Variants in CLHC1 observed in about 807,000 individuals in gnomAD.
The protein encoded by CLHC1 is clathrin heavy chain linker domain containing 1.
A neutral mutation model predicts 69.5 loss-of-function variants in CLHC1; 72 were observed. The observed-to-expected ratio is 1.04, with a 90% CI of 0.86 to 1.26. The LOEUF (loss-of-function observed/expected upper bound fraction) is 1.26. Ranked by LOEUF, CLHC1 falls within the 50% of genes most tolerant of loss-of-function variation. CLHC1 has a pLI of 0.00. For missense variants in CLHC1, 790 were observed against 679.3 expected, an observed-to-expected ratio of 1.16 and a Z score of -1.81; for synonymous variants, 223 against 224.3, an observed-to-expected ratio of 0.99 and a Z score of 0.05.
chr2:55,174,094 T>C lies in CLHC1; in HGVS notation c.*1696A>G, dbSNP rs1395639718. Among the ~76,000 whole-genome samples, 1 of 152,154 alleles carries C rather than the reference T, an allele frequency of 6.6e-6. No individual in the cohort carries two copies. The highest frequency in any genetic ancestry group is 1.5e-5 in the Non-Finnish European group (1 of 68,030). On this transcript the variant is annotated 3_prime_UTR_variant, in exon 13 of 13. Transcript: ENST00000401408. The stretch of plus-strand genomic sequence containing the variant: ...AAATACCTCTCCCTTTCCATTCCTT[T>C]TTTCCATCCTTTATCTGCTCTTTTC...
intron 7 of CLHC1, 42 bp downstream of exon 7, chr2:55,209,362 T>G: frequency 8.0e-7 from 1 of 1,255,114 alleles, no homozygotes; most frequent in Non-Finnish European, 1.1e-6. Flanking sequence ...GAAAAAAATG[T>G]CTTCCATTAT....
chr2:55,220,956 T>C (rs568352106), intron 3 of CLHC1, among the ~76,000 whole-genome samples: 1 of 152,312 alleles, frequency 6.6e-6, no homozygotes, highest in East Asian at 1.9e-4. Flanking sequence ...CTGTATGATA[T>C]AAAAAGAAGG....
chr2:55,207,340 A>G (rs1361270018), intron 8 of CLHC1, among the ~76,000 whole-genome samples: 1 of 152,220 alleles, frequency 6.6e-6, no homozygotes, highest in African/African-American at 2.4e-5. Context: ...GAAGTTACAC[A>G]GTGTTGCAAA....
chr2:55,227,624 G>A (rs1013648676), intron 2 of CLHC1, among the ~76,000 whole-genome samples: 6 of 148,554 alleles, frequency 4.0e-5, no homozygotes, highest in Non-Finnish European at 8.9e-5. Context: ...GTTGCAGTGA[G>A]CCGAGATTGA....
At chr2:55,229,100 A>G (rs1158521760) in intron 1 of CLHC1, among the ~76,000 whole-genome samples, 1 of 149,870 alleles carries the variant, frequency 6.7e-6, no homozygotes, top group African/African-American at 2.5e-5. Context: ...GCAGTGGGCT[A>G]AGATCATACC....
At chr2:55,209,868 A>C in intron 5 of CLHC1, 37 bp from the exon 6 acceptor site, 1 of 1,371,578 alleles carries the variant, frequency 7.3e-7, no homozygotes, top group Non-Finnish European at 1.0e-6. Context: ...ACGACAAGCC[A>C]TGTGTGGGAC....
intron 2 of CLHC1, chr2:55,223,921 G>C (rs1433092912): frequency 2.6e-5 from 4 of 152,392 alleles, no homozygotes; most frequent in Admixed American, 6.6e-5. Context: ...TCAGCCTCTT[G>C]AGTAGCTGGG....
intron 9 of CLHC1, among the ~76,000 whole-genome samples, chr2:55,199,026 G>C (rs1215243106): frequency 6.6e-6 from 1 of 152,124 alleles, no homozygotes; most frequent in African/African-American, 2.4e-5. Flanking sequence ...GCCAGGTGCA[G>C]TGGCTCATGC....
intron 9 of CLHC1, among the ~76,000 whole-genome samples, chr2:55,199,205 G>A (rs1671704982): frequency 6.6e-6 from 1 of 150,686 alleles, no homozygotes; most frequent in African/African-American, 2.4e-5. Flanking sequence ...GCTGAGGCAG[G>A]AGACTTGCTT....
intron 2 of CLHC1, among the ~76,000 whole-genome samples, chr2:55,223,437 C>G (rs567167376): frequency 3.3e-5 from 5 of 152,204 alleles, no homozygotes; most frequent in Admixed American, 6.5e-5. Flanking sequence ...CTGGCGGGGG[C>G]GAGCGCGCTG....
At chr2:55,190,252 T>A (rs1211684623) in intron 9 of CLHC1, among the ~76,000 whole-genome samples, 2 of 152,040 alleles carry the variant, frequency 1.3e-5, no homozygotes, top group African/African-American at 4.8e-5. Flanking sequence ...TTTCACCATG[T>A]TAGCCAGGTT....
At position 55,226,869 on chromosome 2, in the gene CLHC1, G is replaced by A. The variant is rs1674758508; in HGVS notation, c.-83+1163C>T. 2.0e-5 allele frequency among the ~76,000 whole-genome samples: 3 copies of A among 152,374 alleles called. No homozygotes were observed. In the South Asian group the frequency reaches 6.2e-4, roughly 32 times the overall value. ...GCTGATCTTGAACTCCTGGCCTCAAGTGATCAGCCTGCTTTGGCCTCCCAA... is the reference window on the plus strand; with the variant it reads ...GCTGATCTTGAACTCCTGGCCTCAAATGATCAGCCTGCTTTGGCCTCCCAA... On this transcript the variant is annotated intron_variant, in intron 2 of 12. Coordinates refer to ENST00000401408, the MANE Select transcript of CLHC1 (RefSeq NM_152385.4).
chr2:55,183,937 C>A (rs985514059), intron 9 of CLHC1, among the ~76,000 whole-genome samples: 1 of 152,038 alleles, frequency 6.6e-6, no homozygotes, highest in Non-Finnish European at 1.5e-5. Context: ...CGTGCTACCA[C>A]GCCCGGCTAA....
intron 9 of CLHC1, among the ~76,000 whole-genome samples, chr2:55,195,148 T>C (rs1023878007): frequency 3.3e-5 from 5 of 152,118 alleles, no homozygotes; most frequent in African/African-American, 1.2e-4. Flanking sequence ...TTATCCTACA[T>C]AACTCAAACT....
At chr2:55,202,449 G>A (rs759899307) in intron 9 of CLHC1, among the ~76,000 whole-genome samples, 5 of 151,710 alleles carry the variant, frequency 3.3e-5, no homozygotes, top group African/African-American at 4.8e-5. Context: ...CCAGGTACTC[G>A]GGAGGCTGAG....
At chr2:55,184,272 A>AT (rs548223396) in intron 9 of CLHC1, among the ~76,000 whole-genome samples, 267 of 151,648 alleles carry the variant, frequency 1.8e-3, no homozygotes, top group African/African-American at 6.4e-3. Context: ...CGGCCGGCTA[A>AT]TTTTTTGTAT....
chr2:55,189,898 G>T (rs1210202560), intron 9 of CLHC1, among the ~76,000 whole-genome samples: 1 of 152,140 alleles, frequency 6.6e-6, no homozygotes, highest in South Asian at 2.1e-4. Context: ...ATTCAGAAGG[G>T]TTTTGCTTCC....
At chr2:55,202,308 C>T (rs1439419756) in intron 9 of CLHC1, among the ~76,000 whole-genome samples, 3 of 149,020 alleles carry the variant, frequency 2.0e-5, no homozygotes, top group African/African-American at 7.4e-5. Flanking sequence ...GTAATTCCAG[C>T]ACTTTGGGAG....
In CLHC1 at chr2:55,206,299, C is replaced by T. The variant is rs188020276; in HGVS notation, c.977G>A (p.Arg326Gln). 6.8e-6 allele frequency: 11 copies of T among 1,607,272 alleles called. No homozygotes were observed. Among genetic ancestry groups the T allele is most frequent in the East Asian group, 2.2e-5 (1 of 44,750 alleles). ...AAATGTATTCATTGTACCAATGTTT[C>T]GAAGAATTCTTCTAGGACTGTTTGC... is the stretch of plus-strand genomic sequence containing the variant. ...YAANSPRRIL[R>Q]NIGTMNTFKA... The change falls in exon 9 of 13, where the codon CGA becomes CAA. Residue 326 changes from arginine (R) to glutamine (Q), a missense_variant. Physicochemically the swap from Arg to Gln is conservative, Grantham distance 43. Transcript: ENST00000401408.
Sources: gnomAD v4.1 joint callset for allele counts (sites outside exome capture counted in the v4.1 genomes callset) on GRCh38, gnomAD v4.1.1 for gene constraint, MANE v1.5 for transcripts, NCBI Gene and HGNC (gene_info 2026-07-23, HGNC 2026-07-21) for gene names.